Variants in CDH22 observed in about 807,000 individuals in gnomAD.
CDH22 encodes cadherin 22.
In CDH22, 30 loss-of-function variants were observed where a neutral mutation model predicts 58.4. The observed-to-expected ratio is 0.51, with a 90% confidence interval of 0.38 to 0.70. The LOEUF is 0.70. Ranked by LOEUF, CDH22 falls within the 30% of genes least tolerant of loss-of-function variation. The probability of loss-of-function intolerance (pLI) is 0.00; values close to 1 mark genes in which losing one functional copy is unlikely to be tolerated. For synonymous variants in CDH22, 513 were observed against 558.2 expected, an observed-to-expected ratio of 0.92 and a Z score of 1.14; for missense variants, 1,014 against 1,233.9, an observed-to-expected ratio of 0.82 and a Z score of 2.67.
intron 8 of CDH22, among the ~76,000 whole-genome samples, chr20:46,194,076 C>T (rs2085880818): frequency 6.6e-6 from 1 of 152,178 alleles, no homozygotes. Flanking sequence ...TTCTGGCCCT[C>T]GCTGGGTAGG....
rs146300694 is a variant in CDH22, at chr20:46,225,230, A to T, written c.670+2278T>A. On this transcript the variant is annotated intron_variant, in intron 4 of 11. Transcript: ENST00000537909. ...CCACTTCCTGAAAATTATCCTGCAG[A>T]TATACTCACACAAGCACAAAATGAT... is the stretch of plus-strand genomic sequence containing the variant. Among the ~76,000 whole-genome samples, 176 of 152,294 alleles carry T rather than the reference A, an allele frequency of 1.2e-3. 3 individuals are homozygous for T. Among genetic ancestry groups the T allele is most frequent in the African/African-American group, 4.1e-3 (171 of 41,552 alleles).
intron 8 of CDH22, among the ~76,000 whole-genome samples, chr20:46,197,313 T>TATATATATATATATATATAC (rs2085912818): frequency 6.7e-6 from 1 of 148,874 alleles, no homozygotes. Context: ...TATATATATA[T>TATATATATATATATATATAC]ATATACATAT....
chr20:46,188,328 A>G (rs548681834), intron 8 of CDH22, among the ~76,000 whole-genome samples: 9 of 152,298 alleles, frequency 5.9e-5, no homozygotes, highest in East Asian at 1.9e-4. Context: ...TTATGTCTGT[A>G]TAATCCAAGC....
chr20:46,270,492 G>A (rs1015594271), intron 1 of CDH22, among the ~76,000 whole-genome samples: 1 of 152,114 alleles, frequency 6.6e-6, no homozygotes, highest in Non-Finnish European at 1.5e-5. Context: ...CTTAATCTCC[G>A]GTCTCGGGCT....
intron 7 of CDH22, among the ~76,000 whole-genome samples, chr20:46,207,244 C>T (rs1568658324): frequency 6.6e-6 from 1 of 152,180 alleles, no homozygotes; most frequent in Admixed American, 6.5e-5. Flanking sequence ...TTGGCCCTTT[C>T]AGTGCAGATA....
intron 4 of CDH22, among the ~76,000 whole-genome samples, chr20:46,227,189 A>T (rs1014375652): frequency 6.6e-6 from 1 of 152,188 alleles, no homozygotes; most frequent in Non-Finnish European, 1.5e-5. Context: ...AGCTCCAAGG[A>T]CAAGCCGCTT....
At position 46,186,867 on chromosome 20, in the gene CDH22, G is replaced by A. The variant is rs185424658; in HGVS notation, c.1504C>T (p.Pro502Ser). 3.7e-6 allele frequency: 6 copies of A among 1,612,280 alleles called. No individual in the cohort carries two copies. Among genetic ancestry groups the A allele is most frequent in the African/African-American group, 1.3e-5 (1 of 75,006 alleles). The change falls in exon 9 of 12, where the codon CCC (proline) becomes TCC (serine). Residue 502 changes from proline (P) to serine (S), a missense_variant. Transcript: ENST00000537909. ...TCCTCGCATACAGCTGCCTCGTAGG[G>A]TGTGGCCAGTTCTGGGGGATTGTCG... ...VNDNPPELATPYEAAVCEDAK... is the reference protein window; with the variant it reads ...VNDNPPELATSYEAAVCEDAK...
chr20:46,241,786 T>C lies in CDH22; in HGVS notation c.256-529A>G, dbSNP rs1055883840. On this transcript the variant is annotated intron_variant, in intron 2 of 11. Transcript: ENST00000537909. The surrounding 1 kb of genome is among the most constrained non-coding windows in gnomAD (Gnocchi z 5.2). ...GGTACATCAAGCCATCATGATCATG[T>C]TCAGCCTTGTAGGATGGCTGTAGCC... is the stretch of plus-strand genomic sequence containing the variant. Among the ~76,000 whole-genome samples, 22 of 152,344 alleles carry C rather than the reference T, an allele frequency of 1.4e-4. No homozygotes were observed. Among genetic ancestry groups the C allele is most frequent in the Admixed American group, 1.2e-3 (18 of 15,310 alleles).
At chr20:46,181,290 A>G (rs1467396355) in intron 10 of CDH22, among the ~76,000 whole-genome samples, 1 of 152,196 alleles carries the variant, frequency 6.6e-6, no homozygotes, top group East Asian at 1.9e-4. Context: ...AGAGCACATA[A>G]CAGAGCACCT....
intron 3 of CDH22, among the ~76,000 whole-genome samples, chr20:46,239,850 TG>T (rs1053815352): frequency 6.6e-6 from 1 of 152,228 alleles, no homozygotes; most frequent in Non-Finnish European, 1.5e-5. Flanking sequence ...AGAAACGGTC[TG>T]GGGGTTTCCT....
chr20:46,237,386 T>C (rs2086260909), intron 3 of CDH22, among the ~76,000 whole-genome samples: 1 of 152,074 alleles, frequency 6.6e-6, no homozygotes, highest in African/African-American at 2.4e-5. Flanking sequence ...GCCTTTCATG[T>C]CCCAAGCTGC....
chr20:46,226,256 C>A (rs1268340379), intron 4 of CDH22, among the ~76,000 whole-genome samples: 1 of 13,320 alleles, frequency 7.5e-5, no homozygotes. Context: ...TCTTCTTCTT[C>A]TTCTTCTTCT....
At chr20:46,272,866 G>C (rs1437740549) in intron 1 of CDH22, among the ~76,000 whole-genome samples, 2 of 152,146 alleles carry the variant, frequency 1.3e-5, no homozygotes, top group Non-Finnish European at 2.9e-5. Context: ...CTGCATGTTG[G>C]CCATTGTACT....
At chr20:46,290,001 T>C (rs2086593558) in intron 1 of CDH22, among the ~76,000 whole-genome samples, 1 of 152,224 alleles carries the variant, frequency 6.6e-6, no homozygotes, top group Admixed American at 6.5e-5. Context: ...GTTTGGAGTT[T>C]GGAAAACAGG....
chr20:46,238,712 T>C (rs2086270734), intron 3 of CDH22, among the ~76,000 whole-genome samples: 1 of 152,266 alleles, frequency 6.6e-6, no homozygotes, highest in Non-Finnish European at 1.5e-5. Flanking sequence ...CTTTCAGCTC[T>C]ACTTCTAGGA....
chr20:46,178,028 G>A lies in CDH22; in HGVS notation c.1833C>T (p.Cys611=). The A allele has an allele frequency of 9.3e-6, 15 of 1,614,098 alleles. No homozygotes were observed. Among genetic ancestry groups the A allele is most frequent in the Non-Finnish European group, 1.3e-5 (15 of 1,180,014 alleles). Residue 611 remains cysteine, a synonymous_variant, in exon 11 of 12, where the codon TGC becomes TGT. Coordinates refer to ENST00000537909, the MANE Select transcript of CDH22 (RefSeq NM_021248.3). ...CGGCCATGACAAAGGCCGTGGTGTT[G>A]CAGGACTGGATGGTGCCGGAGCTGT... The part of the protein sequence containing the change: ...GCDSSGTIQS[C]NTTAFVMAAS...
intron 1 of CDH22, among the ~76,000 whole-genome samples, chr20:46,259,541 CA>C (rs1324119348): frequency 6.6e-6 from 1 of 152,010 alleles, no homozygotes; most frequent in Non-Finnish European, 1.5e-5. Flanking sequence ...TAAACCCAAA[CA>C]AAAAAATCCC....
rs116953862 is a variant in CDH22, at chr20:46,192,530, G to A, written c.1424-5583C>T. Among the ~76,000 whole-genome samples the A allele has an allele frequency of 2.2e-3, 340 of 151,730 alleles. 12 individuals carry two copies. In the East Asian group the frequency reaches 0.063, roughly 28 times the overall value. ...AAAGACAGAAGCCTGGAGAGAAAGA[G>A]AGAAGTGAAGCTGCAAGAGTGGGAG... is the stretch of plus-strand genomic sequence containing the variant. On this transcript the variant is annotated intron_variant, in intron 8 of 11. Coordinates refer to ENST00000537909, the MANE Select transcript of CDH22 (RefSeq NM_021248.3).
intron 3 of CDH22, among the ~76,000 whole-genome samples, chr20:46,232,336 C>T (rs2145717163): frequency 6.6e-6 from 1 of 152,218 alleles, no homozygotes; most frequent in South Asian, 2.1e-4. Context: ...CTGTCCTTGG[C>T]TTTGTGTGGC....
Sources: allele counts gnomAD v4.1 joint callset (sites outside exome capture counted in the v4.1 genomes callset), GRCh38; gene constraint gnomAD v4.1.1; non-coding constraint Gnocchi (gnomAD v3.1); transcripts MANE v1.5; gene names NCBI Gene and HGNC (gene_info 2026-07-23, HGNC 2026-07-21).